The following PARPBP variants were observed in gnomAD, a reference collection of about 807,000 sequenced individuals.
PARPBP encodes the protein PCNA-interacting partner.
In PARPBP, 52 loss-of-function variants were observed where a neutral mutation model predicts 50.0. That is an observed-to-expected ratio of 1.04 (90% confidence interval 0.83 to 1.31). The LOEUF (loss-of-function observed/expected upper bound fraction) is 1.31, where lower values mean the gene tolerates loss of function less well. Among genes scored for constraint, PARPBP ranks in the 50% most tolerant of loss-of-function variants. The probability of loss-of-function intolerance (pLI) is 0.00; values close to 1 mark genes in which losing one functional copy is unlikely to be tolerated. For synonymous variants in PARPBP, 244 were observed against 232.1 expected, an observed-to-expected ratio of 1.05 and a Z score of -0.47; for missense variants, 697 against 672.0, an observed-to-expected ratio of 1.04 and a Z score of -0.41.
At chr12:102,182,791 C>T (rs374218501) in intron 9 of PARPBP, among the ~76,000 whole-genome samples, 164 bp downstream of exon 9, 20 of 152,142 alleles carry the variant, frequency 1.3e-4, no homozygotes, top group African/African-American at 4.8e-4. Flanking sequence ...CAGAGACTTT[C>T]CTTTTATACA....
intron 3 of PARPBP, among the ~76,000 whole-genome samples, chr12:102,152,872 A>G (rs1369311538): frequency 6.6e-6 from 1 of 151,858 alleles, no homozygotes; most frequent in Admixed American, 6.6e-5. Context: ...GCACAAAGAA[A>G]AATATTAGGT....
At chr12:102,127,407 A>G (rs1399773147) in intron 2 of PARPBP, among the ~76,000 whole-genome samples, 1 of 152,056 alleles carries the variant, frequency 6.6e-6, no homozygotes, top group African/African-American at 2.4e-5. Context: ...AAAAGAAAAA[A>G]AAAAAAGAAA....
At chr12:102,195,855 A>G in intron 10 of PARPBP, 96 bp from the exon 11 acceptor site, 1 of 718,606 alleles carries the variant, frequency 1.4e-6, no homozygotes, top group South Asian at 2.1e-5. Flanking sequence ...AAATTTGAAT[A>G]TTCGTTAGCC....
rs188601259 is a variant in PARPBP, at chr12:102,133,904, A to G, written c.153+9863A>G. Among the ~76,000 whole-genome samples, 7 of 152,234 alleles carry G rather than the reference A, an allele frequency of 4.6e-5. No homozygotes were observed. The East Asian group carries it at 7.7e-4, about 17-fold the overall frequency. ...CGAAGAAGAAATTAAAAGGAAATTTAAAAAAACCTTAAAAAATATGGAAGT... is the reference window on the plus strand; with the variant it reads ...CGAAGAAGAAATTAAAAGGAAATTTGAAAAAACCTTAAAAAATATGGAAGT... On this transcript the variant is annotated intron_variant, in intron 2 of 10. Transcript: ENST00000327680.
chr12:102,129,157 T>C (rs1882463695), intron 2 of PARPBP, among the ~76,000 whole-genome samples: 1 of 152,188 alleles, frequency 6.6e-6, no homozygotes, highest in Admixed American at 6.5e-5. Context: ...TTTTTAAAAT[T>C]CATTTTATTA....
chr12:102,189,220 T>C (rs1206068121), intron 9 of PARPBP, among the ~76,000 whole-genome samples: 1 of 152,210 alleles, frequency 6.6e-6, no homozygotes. Flanking sequence ...TTTACAAATA[T>C]AAAGTTGCCT....
At chr12:102,182,770 C>T (rs1428000203) in intron 9 of PARPBP, 143 bp downstream of exon 9, 2 of 660,824 alleles carry the variant, frequency 3.0e-6, no homozygotes, top group Non-Finnish European at 5.3e-6. Flanking sequence ...TGAGTTATGA[C>T]AGTTGACGTA....
intron 2 of PARPBP, among the ~76,000 whole-genome samples, chr12:102,135,536 C>CAAAAAAA (rs34890863): frequency 2.0e-5 from 1 of 50,548 alleles, no homozygotes; most frequent in African/African-American, 7.3e-5. Context: ...ACTCCGTCTC[C>CAAAAAAA]AAAAAAAAAA....
In PARPBP at chr12:102,148,227, C is replaced by A; in HGVS notation, c.154-3C>A. 12 of 1,211,938 alleles carry A rather than the reference C, an allele frequency of 9.9e-6. No individual in the cohort carries two copies. The highest frequency in any genetic ancestry group is 1.7e-5 in the South Asian group (1 of 59,908). 75.1% of individuals were successfully genotyped at this position (1,211,938 alleles called of 1,614,324 possible). A position where few individuals can be genotyped will look rare whatever the true frequency, so the allele number is the denominator to read the frequency against. On this transcript the variant is annotated splice_region_variant and splice_polypyrimidine_tract_variant and intron_variant, in intron 2 of 10. Transcript: ENST00000327680. ...TTTTTTTTTTTGGCATTATCTTTTT[C>A]AGCACAGTGGAGAATTTACAGTCTC...
In PARPBP at chr12:102,151,571, G is replaced by C. The variant is rs962813212; in HGVS notation, c.388-2298G>C. 18 of 1,534,694 alleles carry C rather than the reference G, an allele frequency of 1.2e-5. No individual in the cohort carries two copies. In the Admixed American group the frequency reaches 2.0e-4, roughly 17 times the overall value. On this transcript the variant is annotated intron_variant, in intron 3 of 10. Coordinates refer to ENST00000327680, the MANE Select transcript of PARPBP (RefSeq NM_017915.5). ...AGGACCTTCTGATCTACCTGGCAGG[G>C]GTCAACTATACAGCCACCTTCAGAA...
At chr12:102,122,013 C>T (rs113326065) in intron 1 of PARPBP, among the ~76,000 whole-genome samples, 1 of 152,194 alleles carries the variant, frequency 6.6e-6, no homozygotes, top group African/African-American at 2.4e-5. Context: ...GAAGCTGAGG[C>T]AGGGAAAGGT....
rs1020311103 is a variant in PARPBP, at chr12:102,130,333, C to T, written c.153+6292C>T. ...CCATTCTGGACACAGGCATGGGCAA[C>T]GATTTCATGATGAAGATGCCAAAAG... is the stretch of plus-strand genomic sequence containing the variant. On this transcript the variant is annotated intron_variant, in intron 2 of 10. Transcript: ENST00000327680. Among the ~76,000 whole-genome samples, 3 of 152,034 alleles carry T rather than the reference C, an allele frequency of 2.0e-5. No homozygotes were observed. In the East Asian group the frequency reaches 5.8e-4, roughly 29 times the overall value.
In PARPBP at chr12:102,197,376, A is replaced by C. The variant is rs1891407456; in HGVS notation, c.*1085A>C. The C allele has an allele frequency of 1.2e-6, 1 of 845,198 alleles. No individual in the cohort carries two copies. Among genetic ancestry groups the C allele is most frequent in the African/African-American group, 1.7e-5 (1 of 58,794 alleles). 52.4% of individuals were successfully genotyped at this position (845,198 alleles called of 1,614,324 possible). A position where few individuals can be genotyped will look rare whatever the true frequency, so the allele number is the denominator to read the frequency against. ...GGGATGGAAGAACTACCTGGCATGT[A>C]AGAAATATCGTCAGTCGTCCTAATG... On this transcript the variant is annotated 3_prime_UTR_variant, in exon 11 of 11. Transcript: ENST00000327680.
chr12:102,188,226 A>T (rs571548438), intron 9 of PARPBP, among the ~76,000 whole-genome samples: 1 of 150,628 alleles, frequency 6.6e-6, no homozygotes, highest in Non-Finnish European at 1.5e-5. Flanking sequence ...CCTTGATTCC[A>T]CTTGAGAAGT....
At chr12:102,161,681 G>A (rs527698763) in intron 4 of PARPBP, among the ~76,000 whole-genome samples, 1 of 152,132 alleles carries the variant, frequency 6.6e-6, no homozygotes, top group Non-Finnish European at 1.5e-5. Flanking sequence ...AGCACTTTGG[G>A]AGGTCAAGGC....
intron 4 of PARPBP, chr12:102,155,347 C>G (rs1214177418): frequency 6.6e-6 from 1 of 152,230 alleles, no homozygotes; most frequent in African/African-American, 2.4e-5. Context: ...CCACCTTGGG[C>G]ACATGTTCTC....
At chr12:102,165,973 C>T (rs768064413) in intron 6 of PARPBP, 90 bp downstream of exon 6, 32 of 830,186 alleles carry the variant, frequency 3.9e-5, no homozygotes, top group Non-Finnish European at 5.4e-5. Flanking sequence ...TTGAAATGAC[C>T]AAGCATCAGA....
intron 1 of PARPBP, among the ~76,000 whole-genome samples, chr12:102,122,653 T>G (rs1234542635): frequency 6.6e-6 from 1 of 152,224 alleles, no homozygotes; most frequent in Non-Finnish European, 1.5e-5. Flanking sequence ...TGGCACTACC[T>G]CAAATTATTT....
chr12:102,127,653 T>C (rs149685501), intron 2 of PARPBP, among the ~76,000 whole-genome samples: 121 of 152,348 alleles, frequency 7.9e-4, no homozygotes, highest in South Asian at 4.3e-3. Context: ...GTATATGACC[T>C]GGAGGTTGGT....
Sources: gnomAD v4.1 joint callset for allele counts (sites outside exome capture counted in the v4.1 genomes callset) on GRCh38, gnomAD v4.1.1 for gene constraint, MANE v1.5 for transcripts, NCBI Gene and HGNC (gene_info 2026-07-23, HGNC 2026-07-21) for gene names.